Variants in LAMC3 observed in about 807,000 individuals in gnomAD.
The protein encoded by LAMC3 is laminin subunit gamma 3.
LAMC3 carries 128 observed loss-of-function variants against 173.8 expected under a neutral mutation model. The ratio of observed to expected loss-of-function variants is 0.74; its 90% confidence interval spans 0.64 to 0.85. The LOEUF (loss-of-function observed/expected upper bound fraction) is 0.85. Ranked by LOEUF, LAMC3 falls within the 40% of genes least tolerant of loss-of-function variation. The pLI is 0.00. For missense variants in LAMC3, 2,022 were observed against 2,156.0 expected, an observed-to-expected ratio of 0.94 and a Z score of 1.23; for synonymous variants, 897 against 909.1, an observed-to-expected ratio of 0.99 and a Z score of 0.24.
chr9:131,012,068 C>T (rs867389793), intron 1 of LAMC3, among the ~76,000 whole-genome samples: 33 of 151,272 alleles, frequency 2.2e-4, no homozygotes, highest in African/African-American at 7.3e-4. Flanking sequence ...CACATACACA[C>T]ACACACACAC....
At chr9:131,066,804 C>A (rs1267599230) in intron 13 of LAMC3, among the ~76,000 whole-genome samples, 156 bp from the exon 14 acceptor site, 1 of 152,196 alleles carries the variant, frequency 6.6e-6, no homozygotes, top group African/African-American at 2.4e-5. Context: ...GACCACACAG[C>A]TGTGGGCAGC....
intron 1 of LAMC3, among the ~76,000 whole-genome samples, chr9:131,012,361 G>C (rs974853566): frequency 6.6e-6 from 1 of 152,214 alleles, no homozygotes; most frequent in African/African-American, 2.4e-5. Context: ...GTACCGTACG[G>C]ATAAGAGTCG....
At position 131,085,575 on chromosome 9, in the gene LAMC3, AGGCAGACTCCGTCAGT is replaced by A. The variant is rs1382852607; in HGVS notation, c.4084_4099del (p.Ala1362ThrfsTer50). ...AAGGACCAGGCGGCATTGCAGAGGA[AGGCAGACTCCGTCAGT>A]GACAGACTCCTTGCAGACACGAGAA... On this transcript the variant is annotated frameshift_variant, in exon 25 of 28. Coordinates refer to ENST00000361069, the MANE Select transcript of LAMC3 (RefSeq NM_006059.4). LOFTEE classifies it high-confidence loss of function. 1 of 1,614,006 alleles carries A rather than the reference AGGCAGACTCCGTCAGT, an allele frequency of 6.2e-7. No homozygotes were observed. The highest frequency in any genetic ancestry group is 1.3e-5 in the African/African-American group (1 of 74,934).
chr9:131,047,756 G>A (rs958139890), intron 8 of LAMC3, among the ~76,000 whole-genome samples: 2 of 151,486 alleles, frequency 1.3e-5, no homozygotes, highest in Admixed American at 6.6e-5. Flanking sequence ...CCAGCTACTC[G>A]GGAGGCTGAG....
intron 3 of LAMC3, among the ~76,000 whole-genome samples, chr9:131,034,521 C>T (rs913232954): frequency 1.3e-5 from 2 of 152,252 alleles, no homozygotes; most frequent in Non-Finnish European, 2.9e-5. Context: ...ACTGAGTGGC[C>T]ACAGAGGAGT....
In LAMC3 at chr9:131,029,960, T is replaced by G. The variant is rs1833796164; in HGVS notation, c.679-2085T>G. Among the ~76,000 whole-genome samples, 2 of 148,852 alleles carry G rather than the reference T, an allele frequency of 1.3e-5. No individual in the cohort carries two copies. Among genetic ancestry groups the G allele is most frequent in the Non-Finnish European group, 3.0e-5 (2 of 67,032 alleles). ...TAAAATGACTTTTTTTTTTTTTTTTTGAGACAGTTTCGCTCTGTCGCCCAG... is the reference window on the plus strand; with the variant it reads ...TAAAATGACTTTTTTTTTTTTTTTTGGAGACAGTTTCGCTCTGTCGCCCAG... On this transcript the variant is annotated intron_variant, in intron 2 of 27. Transcript: ENST00000361069. The surrounding 1 kb of genome is among the most constrained non-coding windows in gnomAD (Gnocchi z 4.6).
At chr9:131,071,380 A>C in intron 17 of LAMC3, 104 bp from the exon 18 acceptor site, 1 of 1,370,294 alleles carries the variant, frequency 7.3e-7, no homozygotes, top group Middle Eastern at 2.0e-4. Context: ...GGATTTGGAG[A>C]AGGGAACCCC....
rs710075 is a variant in LAMC3 at position 131,092,441 on chromosome 9, T to C, written c.*654T>C. On this transcript the variant is annotated 3_prime_UTR_variant, in exon 28 of 28. Coordinates refer to ENST00000361069, the MANE Select transcript of LAMC3 (RefSeq NM_006059.4). ...AAATGCAAGATCCCGGGAGGGTTCT[T>C]AGCAGCAGAATCTGAGGCCCAGAGA... The C allele has an allele frequency of 0.68, 103,949 of 153,372 alleles. 37,472 individuals are homozygous for C. The highest frequency in any genetic ancestry group is 0.8 in the Non-Finnish European group (54,805 of 68,886). The allele number at this position is 153,372 out of a possible 1,614,324, so 9.5% of individuals were successfully genotyped here.
chr9:131,038,853 C>G lies in LAMC3; in HGVS notation c.977-11C>G, dbSNP rs112213059. The G allele has an allele frequency of 1.0e-3, 1,623 of 1,612,628 alleles. 12 individuals are homozygous for G. In the African/African-American group the frequency reaches 0.017, roughly 17 times the overall value. On this transcript the variant is annotated splice_polypyrimidine_tract_variant and intron_variant, in intron 4 of 27. Transcript: ENST00000361069. ...GGGGACTCACACACCTTTCCCCACT[C>G]CTGCCCATAGCCTGCAACTGCAGTG...
At chr9:131,055,627 G>T (rs13283659) in intron 11 of LAMC3, among the ~76,000 whole-genome samples, 2 of 150,550 alleles carry the variant, frequency 1.3e-5, no homozygotes, top group Non-Finnish European at 3.0e-5. Context: ...GGGTTTCACC[G>T]TGTTAGCCAG....
intron 1 of LAMC3, among the ~76,000 whole-genome samples, chr9:131,023,254 G>A (rs555154814): frequency 2.1e-4 from 32 of 152,288 alleles, no homozygotes; most frequent in Admixed American, 9.8e-4. Flanking sequence ...TACGTTTTGC[G>A]TGGATGTATA....
chr9:131,039,154 GAC>G lies in LAMC3; in HGVS notation c.1193_1194del (p.Thr398ArgfsTer15), dbSNP rs1221849438. 6.2e-7 allele frequency: 1 copy of G among 1,611,300 alleles called. No homozygotes were observed. Among genetic ancestry groups the G allele is most frequent in the Admixed American group, 1.7e-5 (1 of 60,018 alleles). The stretch of plus-strand genomic sequence containing the variant: ...AGGCTCCCTACACCTCCAGTGCGAT[GAC>G]ACAGGCACCTGCGCCTGCAAGCCCA... ...SAGSLHLQCD[D>X]TGTCACKPTV... On this transcript the variant is annotated frameshift_variant, in exon 6 of 28. Transcript: ENST00000361069. LOFTEE classifies it high-confidence loss of function.
chr9:131,061,866 A>T (rs1212680758), intron 13 of LAMC3, among the ~76,000 whole-genome samples: 1 of 137,066 alleles, frequency 7.3e-6, no homozygotes, highest in African/African-American at 2.9e-5. Context: ...CCTGGGCAAC[A>T]TAGTGAGACT....
chr9:131,043,958 TGC>T (rs1491257875), intron 7 of LAMC3, among the ~76,000 whole-genome samples: 5 of 134,614 alleles, frequency 3.7e-5, no homozygotes, highest in Non-Finnish European at 7.9e-5. Flanking sequence ...AGTGACTTGC[TGC>T]TTTTTTTTTT....
At chr9:131,058,755 G>A (rs1829742348) in intron 12 of LAMC3, among the ~76,000 whole-genome samples, 1 of 151,842 alleles carries the variant, frequency 6.6e-6, no homozygotes, top group Non-Finnish European at 1.5e-5. Flanking sequence ...TTAGCTGGGT[G>A]TGGTGGCAGG....
intron 11 of LAMC3, among the ~76,000 whole-genome samples, chr9:131,054,628 C>A (rs1439637239): frequency 2.0e-5 from 3 of 152,044 alleles, no homozygotes; most frequent in African/African-American, 7.2e-5. Flanking sequence ...GTGGCATGTG[C>A]CTGTAATCCC....
chr9:131,071,656 G>A (rs764215133), intron 18 of LAMC3, 31 bp downstream of exon 18: 26 of 1,515,386 alleles, frequency 1.7e-5, no homozygotes, highest in Non-Finnish European at 1.6e-5. Flanking sequence ...GGGAGGGTGG[G>A]AGGCAAGGGG....
intron 20 of LAMC3, among the ~76,000 whole-genome samples, chr9:131,075,051 G>A (rs1830099791): frequency 6.6e-6 from 1 of 151,948 alleles, no homozygotes; most frequent in Non-Finnish European, 1.5e-5. Context: ...ATCGTTTGAG[G>A]CAAGGAGTTA....
At chr9:131,062,608 C>T (rs1042247245) in intron 13 of LAMC3, among the ~76,000 whole-genome samples, 4 of 152,130 alleles carry the variant, frequency 2.6e-5, no homozygotes, top group Non-Finnish European at 5.9e-5. Context: ...GTGGCTCATG[C>T]CTGTAATCTC....
Sources: allele counts gnomAD v4.1 joint callset (sites outside exome capture counted in the v4.1 genomes callset), GRCh38; gene constraint gnomAD v4.1.1; non-coding constraint Gnocchi (gnomAD v3.1); transcripts MANE v1.5; gene names NCBI Gene and HGNC (gene_info 2026-07-23, HGNC 2026-07-21).